The following PABPC3 variants were observed in gnomAD, a reference collection of about 807,000 sequenced individuals.
PABPC3 encodes the protein poly(A) binding protein cytoplasmic 3.
PABPC3 carries 43 observed loss-of-function variants against 43.0 expected under a neutral mutation model. The observed-to-expected ratio is 1.00, with a 90% CI of 0.78 to 1.29. PABPC3 has a LOEUF of 1.29. Ranked by LOEUF, PABPC3 falls within the 50% of genes most tolerant of loss-of-function variation. PABPC3 has a pLI of 0.00. For missense variants in PABPC3, 784 were observed against 798.1 expected, an observed-to-expected ratio of 0.98 and a Z score of 0.21; for synonymous variants, 221 against 274.6, an observed-to-expected ratio of 0.80 and a Z score of 1.93.
rs1457206191 is a variant in PABPC3 at position 25,097,479 on chromosome 13, A to G, written c.1281A>G (p.Pro427=). Residue 427 remains proline, a synonymous_variant, in exon 1 of 1, where the codon CCA becomes CCG. Coordinates refer to ENST00000281589, the MANE Select transcript of PABPC3 (RefSeq NM_030979.3). ...CTAGCCAAATTGCTCGACTAAGACCAAGTCCTCGCTGGACTGCTCAGGGTG... is the reference window on the plus strand; with the variant it reads ...CTAGCCAAATTGCTCGACTAAGACCGAGTCCTCGCTGGACTGCTCAGGGTG... The part of the protein sequence containing the change: ...YPPSQIARLR[P]SPRWTAQGAR... 6.2e-7 allele frequency: 1 copy of G among 1,614,138 alleles called. No individual in the cohort carries two copies. Among genetic ancestry groups the G allele is most frequent in the Non-Finnish European group, 8.5e-7 (1 of 1,180,052 alleles).
chr13:25,097,795 C>A lies in PABPC3; in HGVS notation c.1597C>A (p.His533Asn), dbSNP rs1009968412. The change falls in exon 1 of 1, where the codon CAT (histidine) becomes AAT (asparagine). Residue 533 changes from histidine (H) to asparagine (N), a missense_variant. Physicochemically the swap from His to Asn is moderately conservative, Grantham distance 68 (BLOSUM62 1). Coordinates refer to ENST00000281589, the MANE Select transcript of PABPC3 (RefSeq NM_030979.3). Reference sequence around the variant, plus strand: ...AGTTACAATGCAACAGCTTGCTGTTCATGTACAAGGTCAGGAAACTTTGAC... The same window carrying A: ...AGTTACAATGCAACAGCTTGCTGTTAATGTACAAGGTCAGGAAACTTTGAC... ...PQVTMQQLAVHVQGQETLTAS... is the reference protein window; with the variant it reads ...PQVTMQQLAVNVQGQETLTAS... 1 of 1,614,004 alleles carries A rather than the reference C, an allele frequency of 6.2e-7. No individual in the cohort carries two copies. The highest frequency in any genetic ancestry group is 8.5e-7 in the Non-Finnish European group (1 of 1,179,988).
chr13:25,097,962 T>G lies in PABPC3; in HGVS notation c.1764T>G (p.Leu588=), dbSNP rs1284513538. The G allele has an allele frequency of 1.2e-6, 2 of 1,613,870 alleles. No homozygotes were observed. Among genetic ancestry groups the G allele is most frequent in the Non-Finnish European group, 1.7e-6 (2 of 1,179,884 alleles). The change falls in exon 1 of 1, where the codon CTT becomes CTG. Residue 588 remains leucine (L), a synonymous_variant. Transcript: ENST00000281589. Reference sequence around the variant, plus strand: ...TGTTGGAGATTGATAATTCAGAACTTCTTTATATGCTCGAGTCTCCAGAGT... The same window carrying G: ...TGTTGGAGATTGATAATTCAGAACTGCTTTATATGCTCGAGTCTCCAGAGT... ...GMLLEIDNSE[L]LYMLESPESL...
In PABPC3 at chr13:25,096,155, C is replaced by T. The variant is rs750347456; in HGVS notation, c.-44C>T. 2.5e-5 allele frequency: 40 copies of T among 1,576,834 alleles called. No homozygotes were observed. Among genetic ancestry groups the T allele is most frequent in the Middle Eastern group, 1.8e-4 (1 of 5,696 alleles). On this transcript the variant is annotated 5_prime_UTR_variant, in exon 1 of 1. It adds an upstream start codon to the 5' untranslated region. Coordinates refer to ENST00000281589, the MANE Select transcript of PABPC3 (RefSeq NM_030979.3). ...CCCGGCACGCGCTCTACTCCTGTAA[C>T]GGAAAGGTCGCGGCTTGTGTGCCTG...
Position 25,098,322 on chromosome 13 carries a change from C to G in PABPC3, c.*228C>G, listed in dbSNP as rs561972465. 1 of 432,036 alleles carries G rather than the reference C, an allele frequency of 2.3e-6. No homozygotes were observed. The highest frequency in any genetic ancestry group is 2.1e-5 in the African/African-American group (1 of 48,218). The allele number at this position is 432,036 out of a possible 1,614,324, so 26.8% of individuals were successfully genotyped here. ...TGATTTAAAAACAAAAAAAAGATTA[C>G]TTAATTTTGATTTAAAAACAAAAAA... is the stretch of plus-strand genomic sequence containing the variant. On this transcript the variant is annotated 3_prime_UTR_variant, in exon 1 of 1. Transcript: ENST00000281589.
At position 25,097,526 on chromosome 13, in the gene PABPC3, A is replaced by T. The variant is rs1956049976; in HGVS notation, c.1328A>T (p.Asn443Ile). 1 of 1,614,134 alleles carries T rather than the reference A, an allele frequency of 6.2e-7. No individual in the cohort carries two copies. Among genetic ancestry groups the T allele is most frequent in the South Asian group, 1.1e-5 (1 of 91,086 alleles). Residue 443 changes from asparagine (N) to isoleucine (I), a missense_variant, in exon 1 of 1, where the codon AAT becomes ATT. Asn to Ile is a moderately radical substitution (Grantham distance 149). Coordinates refer to ENST00000281589, the MANE Select transcript of PABPC3 (RefSeq NM_030979.3). ...AQGARPHPFQ[N>I]KPSAIRPGAP... Reference sequence around the variant, plus strand: ...GGTGCCAGACCTCATCCATTCCAAAATAAGCCCAGTGCTATCCGCCCAGGT... The same window carrying T: ...GGTGCCAGACCTCATCCATTCCAAATTAAGCCCAGTGCTATCCGCCCAGGT...
rs774168196 is a variant in PABPC3 at position 25,098,000 on chromosome 13, A to T, written c.1802A>T (p.Lys601Met). The change falls in exon 1 of 1, where the codon AAG becomes ATG. Residue 601 changes from lysine (K) to methionine (M), a missense_variant. By Grantham distance (95) the Lys-to-Met change is moderately conservative (BLOSUM62 -1). Transcript: ENST00000281589. The part of the protein sequence containing the change: ...MLESPESLRS[K>M]VDEAVAVLQA... ...GAGTCTCCAGAGTCACTCCGTTCTA[A>T]GGTTGATGAAGCTGTAGCTGTACTA... 1 of 1,614,044 alleles carries T rather than the reference A, an allele frequency of 6.2e-7. No homozygotes were observed. Among genetic ancestry groups the T allele is most frequent in the South Asian group, 1.1e-5 (1 of 91,084 alleles).
rs1335578513 is a variant in PABPC3, at chr13:25,098,979, A to G, written c.*885A>G. On this transcript the variant is annotated 3_prime_UTR_variant, in exon 1 of 1. Coordinates refer to ENST00000281589, the MANE Select transcript of PABPC3 (RefSeq NM_030979.3). ...GGTTTATCAATTTTGTAATTTAACT[A>G]TTGACTTCCTGCTGTAACAAATAAG... 6.0e-6 allele frequency: 1 copy of G among 166,818 alleles called. No homozygotes were observed. Among genetic ancestry groups the G allele is most frequent in the Non-Finnish European group, 1.5e-5 (1 of 68,034 alleles). The allele number at this position is 166,818 out of a possible 1,614,324, so 10.3% of individuals were successfully genotyped here.
Position 25,096,938 on chromosome 13 carries a change from C to T in PABPC3, c.740C>T (p.Ala247Val). Residue 247 changes from alanine to valine, a missense_variant, in exon 1 of 1, where the codon GCT (alanine) becomes GTT (valine). Ala to Val is a moderately conservative substitution (Grantham distance 64, BLOSUM62 0). Transcript: ENST00000281589. ...SFERHEDAQK[A>V]VDEMNGKELN... ...GAAAGGCATGAAGATGCACAGAAAG[C>T]TGTAGATGAGATGAATGGAAAGGAG... The T allele has an allele frequency of 6.2e-7, 1 of 1,614,210 alleles. No homozygotes were observed.
At position 25,096,189 on chromosome 13, in the gene PABPC3, C is replaced by A. The variant is rs1565995763; in HGVS notation, c.-10C>A. On this transcript the variant is annotated 5_prime_UTR_variant, in exon 1 of 1. Transcript: ENST00000281589. ...CGCGGCTTGTGTGCCTGCGGGCAGC[C>A]GTGCCGAGAATGAACCCCAGCACCC... 1 of 1,605,710 alleles carries A rather than the reference C, an allele frequency of 6.2e-7. No individual in the cohort carries two copies. Among genetic ancestry groups the A allele is most frequent in the East Asian group, 2.2e-5 (1 of 44,770 alleles).
In PABPC3 at chr13:25,098,732, ATAG is replaced by A. The variant is rs1325730246; in HGVS notation, c.*641_*643del. ...ATAAATGAAAATATGCAATGACAAAATAGTAATTATAAATTCAGTAACATTTGT... is the reference window on the plus strand; with the variant it reads ...ATAAATGAAAATATGCAATGACAAAATAATTATAAATTCAGTAACATTTGT... On this transcript the variant is annotated 3_prime_UTR_variant, in exon 1 of 1. Coordinates refer to ENST00000281589, the MANE Select transcript of PABPC3 (RefSeq NM_030979.3). The A allele has an allele frequency of 1.2e-5, 2 of 166,764 alleles. No individual in the cohort carries two copies. Among genetic ancestry groups the A allele is most frequent in the African/African-American group, 2.4e-5 (1 of 41,442 alleles). The allele number at this position is 166,764 out of a possible 1,614,324, so 10.3% of individuals were successfully genotyped here. A position where few individuals can be genotyped will look rare whatever the true frequency, so the allele number is the denominator to read the frequency against.
Position 25,099,002 on chromosome 13 carries a change from A to G in PABPC3, c.*908A>G, listed in dbSNP as rs1956065437. 1 of 166,812 alleles carries G rather than the reference A, an allele frequency of 6.0e-6. No homozygotes were observed. The highest frequency in any genetic ancestry group is 6.6e-5 in the Admixed American group (1 of 15,250). The allele number at this position is 166,812 out of a possible 1,614,324, so 10.3% of individuals were successfully genotyped here. A position where few individuals can be genotyped will look rare whatever the true frequency, so the allele number is the denominator to read the frequency against. ...CTATTGACTTCCTGCTGTAACAAAT[A>G]AGGATATGTTTCATCTACCTCTTCC... On this transcript the variant is annotated 3_prime_UTR_variant, in exon 1 of 1. Transcript: ENST00000281589.
In PABPC3 at chr13:25,098,791, C is replaced by T. The variant is rs908610018; in HGVS notation, c.*697C>T. ...ATTGTAAGACAATTATTAATTTATACTGCATTATTTTTAAATAAAAAATAA... is the reference window on the plus strand; with the variant it reads ...ATTGTAAGACAATTATTAATTTATATTGCATTATTTTTAAATAAAAAATAA... On this transcript the variant is annotated 3_prime_UTR_variant, in exon 1 of 1. Coordinates refer to ENST00000281589, the MANE Select transcript of PABPC3 (RefSeq NM_030979.3). 4 of 166,554 alleles carry T rather than the reference C, an allele frequency of 2.4e-5. No individual in the cohort carries two copies. Among genetic ancestry groups the T allele is most frequent in the Non-Finnish European group, 5.9e-5 (4 of 68,002 alleles). 10.3% of individuals were successfully genotyped at this position (166,554 alleles called of 1,614,324 possible). A position where few individuals can be genotyped will look rare whatever the true frequency, so the allele number is the denominator to read the frequency against.
chr13:25,099,203 T>C lies in PABPC3; in HGVS notation c.*1109T>C, dbSNP rs980675488. The C allele has an allele frequency of 2.4e-5, 4 of 165,976 alleles. No individual in the cohort carries two copies. Among genetic ancestry groups the C allele is most frequent in the East Asian group, 3.9e-4 (2 of 5,176 alleles). The allele number at this position is 165,976 out of a possible 1,614,324, so 10.3% of individuals were successfully genotyped here. ...GTAGAGGCTGTGACATTGCACTACA[T>C]AGAAATATAATTATACCATATTACT... On this transcript the variant is annotated 3_prime_UTR_variant, in exon 1 of 1. Coordinates refer to ENST00000281589, the MANE Select transcript of PABPC3 (RefSeq NM_030979.3).
chr13:25,097,178 T>C lies in PABPC3; in HGVS notation c.980T>C (p.Met327Thr). 5 of 1,478,402 alleles carry C rather than the reference T, an allele frequency of 3.4e-6. No homozygotes were observed. Among genetic ancestry groups the C allele is most frequent in the Non-Finnish European group, 4.5e-6 (5 of 1,120,978 alleles). 91.6% of individuals were successfully genotyped at this position (1,478,402 alleles called of 1,614,324 possible). ...ACAATCACTAGTGCAAAGGTTATGA[T>C]GGAAGGTGGTCGCAGCAAAGGGTTT... Reference protein sequence around the residue: ...FGTITSAKVMMEGGRSKGFGF... With the variant: ...FGTITSAKVMTEGGRSKGFGF... Residue 327 changes from methionine (M) to threonine (T), a missense_variant, in exon 1 of 1, where the codon ATG (methionine) becomes ACG (threonine). Met to Thr is a moderately conservative substitution (Grantham distance 81). Transcript: ENST00000281589.
In PABPC3 at chr13:25,097,170, G is replaced by C. The variant is rs1593653708; in HGVS notation, c.972G>C (p.Lys324Asn). The C allele has an allele frequency of 1.9e-6, 3 of 1,614,136 alleles. No homozygotes were observed. The change falls in exon 1 of 1, where the codon AAG (lysine) becomes AAC (asparagine). Residue 324 changes from lysine (K) to asparagine (N), a missense_variant. Transcript: ENST00000281589. ...CATTTGGTACAATCACTAGTGCAAA[G>C]GTTATGATGGAAGGTGGTCGCAGCA... ...FSPFGTITSAKVMMEGGRSKG... is the reference protein window; with the variant it reads ...FSPFGTITSANVMMEGGRSKG...
Position 25,098,660 on chromosome 13 carries a change from C to CA in PABPC3, c.*567dup, listed in dbSNP as rs1483545089. 6.0e-6 allele frequency: 1 copy of CA among 166,596 alleles called. No homozygotes were observed. Among genetic ancestry groups the CA allele is most frequent in the East Asian group, 1.9e-4 (1 of 5,192 alleles). The allele number at this position is 166,596 out of a possible 1,614,324, so 10.3% of individuals were successfully genotyped here. A position where few individuals can be genotyped will look rare whatever the true frequency, so the allele number is the denominator to read the frequency against. ...ATTTCAAATATGAAAATCACTTTTTCACCAAAATTTTAGGTCTTTACATAA... is the reference window on the plus strand; with the variant it reads ...ATTTCAAATATGAAAATCACTTTTTCAACCAAAATTTTAGGTCTTTACATAA... On this transcript the variant is annotated 3_prime_UTR_variant, in exon 1 of 1. Coordinates refer to ENST00000281589, the MANE Select transcript of PABPC3 (RefSeq NM_030979.3).
Position 25,098,316 on chromosome 13 carries a change from A to G in PABPC3, c.*222A>G, listed in dbSNP as rs1169427791. ...ACTTATTGATTTAAAAACAAAAAAA[A>G]GATTACTTAATTTTGATTTAAAAAC... On this transcript the variant is annotated 3_prime_UTR_variant, in exon 1 of 1. Coordinates refer to ENST00000281589, the MANE Select transcript of PABPC3 (RefSeq NM_030979.3). 4.5e-6 allele frequency: 2 copies of G among 446,512 alleles called. No homozygotes were observed. The highest frequency in any genetic ancestry group is 8.1e-6 in the Non-Finnish European group (2 of 247,760). 27.7% of individuals were successfully genotyped at this position (446,512 alleles called of 1,614,324 possible).
chr13:25,098,511 A>C lies in PABPC3; in HGVS notation c.*417A>C, dbSNP rs1166473145. 1 of 170,246 alleles carries C rather than the reference A, an allele frequency of 5.9e-6. No individual in the cohort carries two copies. Among genetic ancestry groups the C allele is most frequent in the Non-Finnish European group, 1.4e-5 (1 of 70,426 alleles). The allele number at this position is 170,246 out of a possible 1,614,324, so 10.5% of individuals were successfully genotyped here. On this transcript the variant is annotated 3_prime_UTR_variant, in exon 1 of 1. Coordinates refer to ENST00000281589, the MANE Select transcript of PABPC3 (RefSeq NM_030979.3). ...TAACAGAATTGATAACTGAGCAAGG[A>C]AACATGGTTTGGATTATAAAATTCT...
At position 25,096,172 on chromosome 13, in the gene PABPC3, G is replaced by A. The variant is rs747602267; in HGVS notation, c.-27G>A. 1.9e-6 allele frequency: 3 copies of A among 1,595,356 alleles called. No individual in the cohort carries two copies. The highest frequency in any genetic ancestry group is 3.4e-5 in the Admixed American group (2 of 58,734). ...TCCTGTAACGGAAAGGTCGCGGCTTGTGTGCCTGCGGGCAGCCGTGCCGAG... is the reference window on the plus strand; with the variant it reads ...TCCTGTAACGGAAAGGTCGCGGCTTATGTGCCTGCGGGCAGCCGTGCCGAG... On this transcript the variant is annotated 5_prime_UTR_variant, in exon 1 of 1. The change creates a new upstream start codon in the 5' untranslated region. Transcript: ENST00000281589.
Sources: allele counts gnomAD v4.1 joint callset, GRCh38; gene constraint gnomAD v4.1.1; transcripts MANE v1.5; gene names NCBI Gene and HGNC (gene_info 2026-07-23, HGNC 2026-07-21).